Variants in NKAIN2 observed in about 807,000 individuals in gnomAD.
NKAIN2 encodes the protein sodium/potassium transporting ATPase interacting 2.
A neutral mutation model predicts 32.6 loss-of-function variants in NKAIN2; 14 were observed. That is an observed-to-expected ratio of 0.43 (90% confidence interval 0.28 to 0.67). The LOEUF (loss-of-function observed/expected upper bound fraction) is 0.67, where lower values mean the gene tolerates loss of function less well. NKAIN2 is among the 30% of genes least tolerant of loss of function. The pLI is 0.17. For missense variants in NKAIN2, 198 were observed against 258.3 expected (o/e 0.77, Z 1.60); for synonymous variants, 80 against 87.2 (o/e 0.92, Z 0.46).
chr6:124,478,951 G>T (rs1777340417), intron 3 of NKAIN2, among the ~76,000 whole-genome samples: 1 of 152,148 alleles, frequency 6.6e-6, no homozygotes, highest in African/African-American at 2.4e-5. Flanking sequence ...CATGTTGAAA[G>T]CATTTACTCT....
chr6:124,356,734 C>T (rs762921916), intron 3 of NKAIN2, among the ~76,000 whole-genome samples: 13 of 152,162 alleles, frequency 8.5e-5, no homozygotes, highest in Non-Finnish European at 1.5e-4. Flanking sequence ...AAAGCAGACA[C>T]GCTTTTCCAA....
chr6:123,994,796 C>G (rs1779549964), intron 1 of NKAIN2, among the ~76,000 whole-genome samples: 1 of 151,992 alleles, frequency 6.6e-6, no homozygotes, highest in Non-Finnish European at 1.5e-5. Context: ...TTTTATAAAC[C>G]TGTATGTGTT....
chr6:124,618,355 G>A lies in NKAIN2; in HGVS notation c.274-39831G>A, dbSNP rs185337836. Among the ~76,000 whole-genome samples the A allele has an allele frequency of 3.0e-3, 451 of 152,270 alleles. 3 individuals are homozygous for A. Among genetic ancestry groups the A allele is most frequent in the African/African-American group, 0.01 (434 of 41,554 alleles). On this transcript the variant is annotated intron_variant, in intron 3 of 6. Transcript: ENST00000368417. ...TAGCTGGGCATGGTGGTGGGTGCCT[G>A]TAATCCCACTTACTCAGGAGGCTGA...
intron 3 of NKAIN2, among the ~76,000 whole-genome samples, chr6:124,584,627 T>C (rs1583475626): frequency 7.3e-6 from 1 of 137,480 alleles, no homozygotes; most frequent in African/African-American, 2.8e-5. Context: ...CACTCCAGCC[T>C]GGGCAACAAG....
intron 3 of NKAIN2, among the ~76,000 whole-genome samples, chr6:124,449,239 T>G (rs1003802983): frequency 6.6e-6 from 1 of 152,266 alleles, no homozygotes; most frequent in African/African-American, 2.4e-5. Context: ...AATTTTTTTT[T>G]CCTAAAATAG....
chr6:124,343,351 T>C (rs1218777765), intron 2 of NKAIN2, among the ~76,000 whole-genome samples: 1 of 151,194 alleles, frequency 6.6e-6, no homozygotes, highest in East Asian at 2.0e-4. Context: ...TACCCAGTAA[T>C]GGGATGGCTG....
intron 4 of NKAIN2, among the ~76,000 whole-genome samples, chr6:124,731,475 C>T (rs1305976024): frequency 8.2e-4 from 115 of 141,014 alleles, no homozygotes; most frequent in African/African-American, 2.7e-3. Context: ...AACCAAACAC[C>T]GCATATTCTC....
chr6:124,384,404 T>G (rs1772795050), intron 3 of NKAIN2, among the ~76,000 whole-genome samples: 1 of 152,178 alleles, frequency 6.6e-6, no homozygotes, highest in South Asian at 2.1e-4. Flanking sequence ...ACAGGATTAC[T>G]CTATATCATC....
intron 1 of NKAIN2, among the ~76,000 whole-genome samples, chr6:124,201,399 C>G (rs1415632094): frequency 6.6e-6 from 1 of 151,958 alleles, no homozygotes; most frequent in South Asian, 2.1e-4. Context: ...CATTAAAATT[C>G]AAGTCAGCAC....
chr6:124,475,806 C>T (rs1777172495), intron 3 of NKAIN2, among the ~76,000 whole-genome samples: 1 of 152,002 alleles, frequency 6.6e-6, no homozygotes, highest in African/African-American at 2.4e-5. Context: ...TATTTCTTTC[C>T]CGAAAGCATT....
At chr6:124,100,223 G>T (rs1784817646) in intron 1 of NKAIN2, among the ~76,000 whole-genome samples, 1 of 152,184 alleles carries the variant, frequency 6.6e-6, no homozygotes. Context: ...TGAATTAGCA[G>T]ATTTTGGGGA....
chr6:124,481,463 G>C (rs1005982873), intron 3 of NKAIN2, among the ~76,000 whole-genome samples: 1 of 151,794 alleles, frequency 6.6e-6, no homozygotes, highest in East Asian at 1.9e-4. Context: ...TTAAATCACT[G>C]TCTGTCATTA....
At chr6:124,004,109 G>A (rs943890889) in intron 1 of NKAIN2, among the ~76,000 whole-genome samples, 1 of 152,144 alleles carries the variant, frequency 6.6e-6, no homozygotes, top group African/African-American at 2.4e-5. Context: ...TAACTTTATT[G>A]AATGAATGAT....
Position 124,640,499 on chromosome 6 carries a change from A to G in NKAIN2, c.274-17687A>G, listed in dbSNP as rs111848073. On this transcript the variant is annotated intron_variant, in intron 3 of 6. Coordinates refer to ENST00000368417, the MANE Select transcript of NKAIN2 (RefSeq NM_001040214.3). ...TCTTAGGGAAAGGAACACTCACAAT[A>G]TGGGAAAAGATACCTGTGGGGAGGG... Among the ~76,000 whole-genome samples, 1,011 of 152,284 alleles carry G rather than the reference A, an allele frequency of 6.6e-3. 15 individuals carry two copies. Among genetic ancestry groups the G allele is most frequent in the African/African-American group, 0.023 (969 of 41,564 alleles).
intron 2 of NKAIN2, among the ~76,000 whole-genome samples, chr6:124,289,131 T>C (rs1473101051): frequency 6.6e-6 from 1 of 152,222 alleles, no homozygotes; most frequent in Non-Finnish European, 1.5e-5. Flanking sequence ...ATAACCCTGC[T>C]TACTCTTCCA....
intron 3 of NKAIN2, among the ~76,000 whole-genome samples, chr6:124,381,594 T>C (rs1004135057): frequency 6.6e-6 from 1 of 152,138 alleles, no homozygotes; most frequent in African/African-American, 2.4e-5. Flanking sequence ...CACCTAAAAG[T>C]GAGCTATACG....
At chr6:123,840,478 T>G (rs1774823679) in intron 1 of NKAIN2, among the ~76,000 whole-genome samples, 1 of 152,094 alleles carries the variant, frequency 6.6e-6, no homozygotes. Context: ...AACTTGTAAT[T>G]GTCTAACCTG....
chr6:124,748,455 C>T (rs1307044308), intron 4 of NKAIN2, among the ~76,000 whole-genome samples: 1 of 151,922 alleles, frequency 6.6e-6, no homozygotes, highest in Non-Finnish European at 1.5e-5. Context: ...CCCCAGATTC[C>T]AAGGGTACAG....
At chr6:124,710,936 T>G (rs1460755986) in intron 4 of NKAIN2, among the ~76,000 whole-genome samples, 2 of 151,618 alleles carry the variant, frequency 1.3e-5, no homozygotes, top group African/African-American at 4.9e-5. Context: ...CGATGGTCTT[T>G]ACGTTTTGGC....
Sources: allele counts gnomAD v4.1 joint callset (sites outside exome capture counted in the v4.1 genomes callset), GRCh38; gene constraint gnomAD v4.1.1; transcripts MANE v1.5; gene names NCBI Gene and HGNC (gene_info 2026-07-23, HGNC 2026-07-21).